H3-3A: variants seen among roughly 807,000 people sequenced by gnomAD.
H3-3A encodes H3.3 histone A.
For synonymous variants in H3-3A, 49 were observed against 61.4 expected (o/e 0.80, Z 0.95); for missense variants, 7 against 184.0 (o/e 0.04, Z 5.57).
intron 3 of H3-3A, chr1:226,067,323 T>C (rs976547550): frequency 6.6e-6 from 1 of 152,250 alleles, no homozygotes; most frequent in African/African-American, 2.4e-5. Flanking sequence ...AAGCAAAATG[T>C]TCACCTCTTC....
At position 226,068,052 on chromosome 1, in the gene H3-3A, A is replaced by G. The variant is rs142791657; in HGVS notation, c.282+2243A>G. Among the ~76,000 whole-genome samples the G allele has an allele frequency of 2.2e-3, 332 of 152,370 alleles. 3 individuals are homozygous for G. The highest frequency in any genetic ancestry group is 7.8e-3 in the African/African-American group (324 of 41,586). The stretch of plus-strand genomic sequence containing the variant: ...AATGGTAAAGAGGCAGACGTTGAAT[A>G]TACTCAAAATGTCCTAAACTAATAC... On this transcript the variant is annotated intron_variant, in intron 3 of 3. Coordinates refer to ENST00000366815, the MANE Select transcript of H3-3A (RefSeq NM_002107.7).
chr1:226,071,134 TA>T (rs1229790285), intron 3 of H3-3A, among the ~76,000 whole-genome samples: 3 of 152,242 alleles, frequency 2.0e-5, no homozygotes, highest in African/African-American at 7.2e-5. Context: ...TGTAACTTGA[TA>T]AAAGATTTAC....
intron 1 of H3-3A, chr1:226,063,884 AAC>A (rs1484146310): frequency 7.6e-6 from 1 of 131,060 alleles, no homozygotes; most frequent in East Asian, 2.7e-4. Flanking sequence ...GCAATCCATC[AAC>A]AGTCAGACGA....
chr1:226,064,721 C>T lies in H3-3A; in HGVS notation c.128+242C>T, dbSNP rs182528753. On this transcript the variant is annotated intron_variant, in intron 2 of 3. Transcript: ENST00000366815. ...ATCTTACCTGGAGGTCTAAGGAGAC[C>T]TCGTATATCACTGATAATGTTAATG... Among the ~76,000 whole-genome samples the T allele has an allele frequency of 2.6e-5, 4 of 152,104 alleles. No individual in the cohort carries two copies. In the East Asian group the frequency reaches 7.7e-4, roughly 29 times the overall value.
chr1:226,064,506 A>T, intron 2 of H3-3A, 27 bp downstream of exon 2: 7 of 1,595,600 alleles, frequency 4.4e-6, no homozygotes, highest in Non-Finnish European at 6.0e-6. Context: ...AAAAAATGGG[A>T]CAAAGTCTCT....
chr1:226,064,020 C>T (rs1348799299), intron 1 of H3-3A: 1 of 184,278 alleles, frequency 5.4e-6, no homozygotes, highest in Admixed American at 5.8e-5. Flanking sequence ...ACAGACATTT[C>T]TAATTACTGC....
At chr1:226,062,522 G>A (rs1380512244), upstream of H3-3A, among the ~76,000 whole-genome samples, 4 of 150,568 alleles carry the variant, frequency 2.7e-5, no homozygotes, top group African/African-American at 4.9e-5. Context: ...GCGGCCTGGA[G>A]GAGGGAGCGG....
chr1:226,064,588 T>A, intron 2 of H3-3A, 109 bp downstream of exon 2: 1 of 791,094 alleles, frequency 1.3e-6, no homozygotes, highest in Non-Finnish European at 2.0e-6. Context: ...GAAACTTTTT[T>A]TTTTCATTTG....
intron 3 of H3-3A, 31 bp from the exon 4 acceptor site, chr1:226,071,320 A>G: frequency 6.3e-7 from 1 of 1,589,492 alleles, no homozygotes; most frequent in Non-Finnish European, 8.6e-7. Flanking sequence ...AAATAACATC[A>G]TCAGTAATTT....
In H3-3A at chr1:226,071,561, C is replaced by T. The variant is rs1331512240; in HGVS notation, c.*82C>T. On this transcript the variant is annotated 3_prime_UTR_variant, in exon 4 of 4. Transcript: ENST00000366815. ...TCTTCCTGTTATTGGTAGTTCTGAA[C>T]GTTAGATATTTTTTTTCCATGGGGT... The T allele has an allele frequency of 5.0e-6, 3 of 605,056 alleles. No homozygotes were observed. The highest frequency in any genetic ancestry group is 3.6e-5 in the Admixed American group (1 of 27,736). 37.5% of individuals were successfully genotyped at this position (605,056 alleles called of 1,614,324 possible).
chr1:226,062,319 G>A (rs1184647788), upstream of H3-3A, among the ~76,000 whole-genome samples: 2 of 150,456 alleles, frequency 1.3e-5, no homozygotes, highest in South Asian at 2.1e-4. Flanking sequence ...CCGCGCCTCC[G>A]CCCGCCTTCC....
chr1:226,063,156 C>T (rs1657793569), intron 1 of H3-3A, among the ~76,000 whole-genome samples: 2 of 150,578 alleles, frequency 1.3e-5, no homozygotes, highest in East Asian at 4.0e-4. Context: ...GGCCTCTTAA[C>T]TACCGCCCCC....
chr1:226,064,192 T>C, intron 1 of H3-3A, 137 bp from the exon 2 acceptor site: 2 of 618,370 alleles, frequency 3.2e-6, no homozygotes. Context: ...CTTCACCCTT[T>C]CAAATTATAT....
At chr1:226,069,188 A>C (rs1371565467) in intron 3 of H3-3A, among the ~76,000 whole-genome samples, 1 of 151,990 alleles carries the variant, frequency 6.6e-6, no homozygotes, top group Non-Finnish European at 1.5e-5. Context: ...CTGGGACTAC[A>C]GGCACATGCC....
intron 3 of H3-3A, among the ~76,000 whole-genome samples, chr1:226,070,604 TC>T: frequency 6.6e-6 from 1 of 151,730 alleles, no homozygotes; most frequent in South Asian, 2.1e-4. Context: ...AAACCCCTTC[TC>T]TACTAAAAAT....
intron 3 of H3-3A, chr1:226,066,045 C>A: frequency 1.9e-6 from 1 of 513,594 alleles, no homozygotes; most frequent in Non-Finnish European, 3.5e-6. Context: ...TTCCATTATA[C>A]CATTTAAAAT....
Position 226,071,992 on chromosome 1 carries a change from A to G in H3-3A, c.*513A>G, listed in dbSNP as rs1576203300. 4.6e-6 allele frequency: 1 copy of G among 217,340 alleles called. No individual in the cohort carries two copies. The highest frequency in any genetic ancestry group is 1.8e-4 in the South Asian group (1 of 5,460). 13.5% of individuals were successfully genotyped at this position (217,340 alleles called of 1,614,324 possible). On this transcript the variant is annotated 3_prime_UTR_variant, in exon 4 of 4. Coordinates refer to ENST00000366815, the MANE Select transcript of H3-3A (RefSeq NM_002107.7). ...TCCTGTAAGTTTGCTATTAAAATAC[A>G]TTAAACTATACCTGCTTTTGGTCTT...
intron 1 of H3-3A, among the ~76,000 whole-genome samples, chr1:226,063,147 GCCTCTTAACTACCGCCCCCGGGC>G (rs1201338703): frequency 6.6e-6 from 1 of 151,782 alleles, no homozygotes; most frequent in Non-Finnish European, 1.5e-5. Flanking sequence ...ACCCGCGCGG[GCCTCTTAACTACCGCCCCCGGGC>G]CCCAGCCCCC....
At chr1:226,066,265 A>G (rs1657921814) in intron 3 of H3-3A, 1 of 169,512 alleles carries the variant, frequency 5.9e-6, no homozygotes, top group African/African-American at 2.4e-5. Flanking sequence ...GGGAATAGGC[A>G]GTATTAAAAA....
Sources: gnomAD v4.1 joint callset for allele counts (sites outside exome capture counted in the v4.1 genomes callset) on GRCh38, gnomAD v4.1.1 for gene constraint, MANE v1.5 for transcripts, NCBI Gene and HGNC (gene_info 2026-07-23, HGNC 2026-07-21) for gene names.